The following RBMS2 variants were observed in gnomAD, a reference collection of about 807,000 sequenced individuals.
The protein encoded by RBMS2 is RNA-binding motif, single-stranded-interacting protein 2.
In RBMS2, 38 loss-of-function variants were observed where a neutral mutation model predicts 58.4. The observed-to-expected ratio is 0.65, with a 90% CI of 0.50 to 0.85. RBMS2 has a LOEUF of 0.85. RBMS2 is among the 40% of genes least tolerant of loss of function. The pLI is 0.00. For synonymous variants in RBMS2, 151 were observed against 180.7 expected, an observed-to-expected ratio of 0.84 and a Z score of 1.32; for missense variants, 367 against 503.7, an observed-to-expected ratio of 0.73 and a Z score of 2.60.
intron 9 of RBMS2, among the ~76,000 whole-genome samples, chr12:56,582,440 G>A (rs148843103): frequency 9.1e-4 from 138 of 152,224 alleles, no homozygotes; most frequent in African/African-American, 2.9e-3. Context: ...CATATGTATA[G>A]CATTTGGGGA....
intron 1 of RBMS2, among the ~76,000 whole-genome samples, chr12:56,528,351 T>C (rs1006197999): frequency 6.6e-6 from 1 of 152,138 alleles, no homozygotes; most frequent in African/African-American, 2.4e-5. Context: ...AGGTGGTTGA[T>C]GACTTTGACA....
intron 1 of RBMS2, among the ~76,000 whole-genome samples, chr12:56,539,159 G>A (rs1035089355): frequency 6.6e-6 from 1 of 151,772 alleles, no homozygotes; most frequent in African/African-American, 2.4e-5. Context: ...GGGATTACAC[G>A]TGCACACCAC....
intron 2 of RBMS2, among the ~76,000 whole-genome samples, chr12:56,567,715 T>C (rs1036897738): frequency 6.6e-5 from 10 of 150,906 alleles, no homozygotes; most frequent in African/African-American, 2.4e-4. Flanking sequence ...GTACACACCT[T>C]TGGTCCTCAG....
chr12:56,554,458 C>T (rs1031009865), intron 1 of RBMS2, among the ~76,000 whole-genome samples: 4 of 152,114 alleles, frequency 2.6e-5, no homozygotes, highest in Non-Finnish European at 5.9e-5. Flanking sequence ...GAGCTGGAAG[C>T]CATTATCCCC....
chr12:56,520,550 G>A (rs1046868514), upstream of RBMS2, among the ~76,000 whole-genome samples: 2 of 152,028 alleles, frequency 1.3e-5, no homozygotes, highest in Non-Finnish European at 2.9e-5. Context: ...GATTGGTAGG[G>A]GTTACTGGAT....
chr12:56,564,006 C>T (rs1880891364), intron 2 of RBMS2, among the ~76,000 whole-genome samples: 1 of 151,774 alleles, frequency 6.6e-6, no homozygotes, highest in African/African-American at 2.4e-5. Context: ...TAATGTGCTA[C>T]AAAAATTCTC....
chr12:56,549,315 G>A (rs973694028), intron 1 of RBMS2, among the ~76,000 whole-genome samples: 4 of 151,834 alleles, frequency 2.6e-5, no homozygotes, highest in African/African-American at 9.7e-5. Flanking sequence ...CTTCTTTAAA[G>A]ACAATGTTTT....
At chr12:56,588,186 A>C in intron 11 of RBMS2, 108 bp from the exon 12 acceptor site, 1 of 871,368 alleles carries the variant, frequency 1.1e-6, no homozygotes, top group South Asian at 1.5e-5. Context: ...ATTAAAATAG[A>C]ATCTCTGGGG....
rs1173264529 is a variant in RBMS2 at position 56,562,319 on chromosome 12, A to G, written c.67-98A>G. 8 of 1,161,090 alleles carry G rather than the reference A, an allele frequency of 6.9e-6. No homozygotes were observed. In the Admixed American group the frequency reaches 9.1e-5, roughly 13 times the overall value. The allele number at this position is 1,161,090 out of a possible 1,614,324, so 71.9% of individuals were successfully genotyped here. A position where few individuals can be genotyped will look rare whatever the true frequency, so the allele number is the denominator to read the frequency against. On this transcript the variant is annotated intron_variant, in intron 1 of 13. Transcript: ENST00000262031. Reference sequence around the variant, plus strand: ...AGTGAGTGCACATTTGTGATTATATATAGTTTGGAATCATTTTTTCAAGAG... The same window carrying G: ...AGTGAGTGCACATTTGTGATTATATGTAGTTTGGAATCATTTTTTCAAGAG...
Position 56,581,202 on chromosome 12 carries a change from G to A in RBMS2, c.561G>A (p.Lys187=). Residue 187 remains lysine (K), a synonymous_variant, in exon 6 of 14, where the codon AAG becomes AAA. Transcript: ENST00000262031. ...VGFARMESTE[K]CEAIITHFNG... is the part of the protein sequence containing the mutation. ...TCCTTAGGATGGAGTCCACAGAGAA[G>A]TGTGAAGCCATCATCACCCACTTTA... 6 of 1,605,428 alleles carry A rather than the reference G, an allele frequency of 3.7e-6. No homozygotes were observed. The highest frequency in any genetic ancestry group is 5.1e-6 in the Non-Finnish European group (6 of 1,172,232).
At chr12:56,576,366 T>C (rs1395346289) in intron 5 of RBMS2, among the ~76,000 whole-genome samples, 2 of 152,122 alleles carry the variant, frequency 1.3e-5, no homozygotes, top group African/African-American at 4.8e-5. Context: ...AAATTTCATG[T>C]TGTCCGCTCC....
chr12:56,555,938 T>C (rs1592402449), intron 1 of RBMS2, among the ~76,000 whole-genome samples: 1 of 151,842 alleles, frequency 6.6e-6, no homozygotes, highest in Non-Finnish European at 1.5e-5. Context: ...CCTAGCTACT[T>C]GGGAGGCTGA....
At position 56,549,067 on chromosome 12, in the gene RBMS2, C is replaced by T. The variant is rs116202214; in HGVS notation, c.67-13350C>T. Among the ~76,000 whole-genome samples, 1,000 of 152,264 alleles carry T rather than the reference C, an allele frequency of 6.6e-3. 12 individuals carry two copies. The highest frequency in any genetic ancestry group is 0.023 in the African/African-American group (945 of 41,542). ...TCTGTCACCCAGGCTGGAATGATCTCGGCTCATTGCAACCTCCGACGCCCA... is the reference window on the plus strand; with the variant it reads ...TCTGTCACCCAGGCTGGAATGATCTTGGCTCATTGCAACCTCCGACGCCCA... On this transcript the variant is annotated intron_variant, in intron 1 of 13. Coordinates refer to ENST00000262031, the MANE Select transcript of RBMS2 (RefSeq NM_002898.4).
Position 56,591,803 on chromosome 12 carries a change from G to A in RBMS2, c.*2670G>A, listed in dbSNP as rs191929338. ...ATATATATTTTAAAATGTTTAAATG[G>A]CTCTAATTTTTTGTTTTGAATTTTG... On this transcript the variant is annotated 3_prime_UTR_variant, in exon 14 of 14. Coordinates refer to ENST00000262031, the MANE Select transcript of RBMS2 (RefSeq NM_002898.4). 1.3e-5 allele frequency: 2 copies of A among 152,012 alleles called. No individual in the cohort carries two copies. The highest frequency in any genetic ancestry group is 1.3e-4 in the Admixed American group (2 of 15,250). 9.4% of individuals were successfully genotyped at this position (152,012 alleles called of 1,614,324 possible).
At chr12:56,567,398 AGAAGAGGAAGGAGAAGGAGGAGAAGAG>A (rs1881539067) in intron 2 of RBMS2, among the ~76,000 whole-genome samples, 1 of 149,864 alleles carries the variant, frequency 6.7e-6, no homozygotes, top group Admixed American at 6.7e-5. Context: ...AAAAAAAAAA[AGAAGAGGAAGGAGAAGGAGGAGAAGAG>A]GAAGAGGAAG....
Position 56,590,446 on chromosome 12 carries a change from A to G in RBMS2, c.*1313A>G, listed in dbSNP as rs919739748. 1 of 152,154 alleles carries G rather than the reference A, an allele frequency of 6.6e-6. No individual in the cohort carries two copies. Among genetic ancestry groups the G allele is most frequent in the Non-Finnish European group, 1.5e-5 (1 of 68,056 alleles). The allele number at this position is 152,154 out of a possible 1,614,324, so 9.4% of individuals were successfully genotyped here. A position where few individuals can be genotyped will look rare whatever the true frequency, so the allele number is the denominator to read the frequency against. On this transcript the variant is annotated 3_prime_UTR_variant, in exon 14 of 14. Coordinates refer to ENST00000262031, the MANE Select transcript of RBMS2 (RefSeq NM_002898.4). ...TACTGGCATCTAGTGGCTGCTAAAC[A>G]TCCTACACTGCATAGGATAGTCCCC...
chr12:56,557,769 G>A lies in RBMS2; in HGVS notation c.67-4648G>A, dbSNP rs1232610272. Among the ~76,000 whole-genome samples, 10 of 143,548 alleles carry A rather than the reference G, an allele frequency of 7.0e-5. No individual in the cohort carries two copies. The Middle Eastern group carries it at 0.015, about 210-fold the overall frequency. The allele number at this position is 143,548 out of a possible 152,430, so 94.2% of individuals were successfully genotyped here. A position where few individuals can be genotyped will look rare whatever the true frequency, so the allele number is the denominator to read the frequency against. On this transcript the variant is annotated intron_variant, in intron 1 of 13. Transcript: ENST00000262031. ...TTTTTTTTTTTTGAGACGGAGTTTC[G>A]CTCTTGTTGCCCAGGCTGGAGTGCA...
intron 9 of RBMS2, among the ~76,000 whole-genome samples, chr12:56,583,132 A>G (rs1884206677): frequency 6.6e-6 from 1 of 152,210 alleles, no homozygotes. Flanking sequence ...TGCTATCAAT[A>G]ATGCTCCACT....
At chr12:56,524,707 G>T (rs144498696) in intron 1 of RBMS2, among the ~76,000 whole-genome samples, 1 of 150,212 alleles carries the variant, frequency 6.7e-6, no homozygotes, top group East Asian at 2.0e-4. Flanking sequence ...GAGTCACCAA[G>T]CCTGGCCCAT....
Sources: gnomAD v4.1 joint callset for allele counts (sites outside exome capture counted in the v4.1 genomes callset) on GRCh38, gnomAD v4.1.1 for gene constraint, MANE v1.5 for transcripts, NCBI Gene and HGNC (gene_info 2026-07-23, HGNC 2026-07-21) for gene names.